The following WWTR1 variants were observed in gnomAD, a reference collection of about 807,000 sequenced individuals.
The protein encoded by WWTR1 is WW domain containing transcription regulator 1, also known as WW domain-containing transcription regulator protein 1.
Under a neutral mutation model 40.1 loss-of-function variants are expected in WWTR1, and 13 were observed. The observed-to-expected ratio is 0.32, with a 90% CI of 0.21 to 0.52. The LOEUF is 0.52. Ranked by LOEUF, WWTR1 falls within the 20% of genes least tolerant of loss-of-function variation. The pLI, the probability that WWTR1 is intolerant of heterozygous loss-of-function variation, is 0.97. For synonymous variants in WWTR1, 230 were observed against 210.1 expected (o/e 1.09, Z -0.82); for missense variants, 436 against 523.1 (o/e 0.83, Z 1.63).
chr3:149,680,997 C>A (rs1303952324), intron 1 of WWTR1, among the ~76,000 whole-genome samples: 3 of 152,156 alleles, frequency 2.0e-5, no homozygotes. Context: ...AACAATGCTG[C>A]AAAGAACATA....
At position 149,715,323 on chromosome 3, in the gene WWTR1, C is replaced by T. The variant is rs74636106; in HGVS notation, n.584+2119G>A. On this transcript the variant is annotated intron_variant and non_coding_transcript_variant, in intron 5 of 6. Transcript: ENST00000474080. Reference sequence around the variant, plus strand: ...GGGGGCCTGCAGTTGCAGGCATCTCCAAGCTTCTGGGTGTCAAGCTTCTGG... The same window carrying T: ...GGGGGCCTGCAGTTGCAGGCATCTCTAAGCTTCTGGGTGTCAAGCTTCTGG... 3.5e-4 allele frequency among the ~76,000 whole-genome samples: 53 copies of T among 152,318 alleles called. No individual in the cohort carries two copies. In the East Asian group the frequency reaches 0.01, roughly 29 times the overall value.
intron 2 of WWTR1, among the ~76,000 whole-genome samples, chr3:149,620,108 T>G (rs549679803): frequency 6.6e-6 from 1 of 152,322 alleles, no homozygotes; most frequent in East Asian, 1.9e-4. Context: ...CTTTGTTGGG[T>G]AGGTGTTTTC....
At chr3:149,547,990 G>C (rs1736443450) in intron 3 of WWTR1, among the ~76,000 whole-genome samples, 1 of 144,418 alleles carries the variant, frequency 6.9e-6, no homozygotes, top group South Asian at 2.1e-4. Context: ...CAAGGCATCT[G>C]AGATACAAAC....
intron 5 of WWTR1, among the ~76,000 whole-genome samples, chr3:149,709,983 T>C (rs1715437386): frequency 6.6e-6 from 1 of 152,182 alleles, no homozygotes. Context: ...AGGAACGGAA[T>C]GAGGCTGGCT....
chr3:149,699,598 T>C (rs1466934404), intron 1 of WWTR1, among the ~76,000 whole-genome samples: 1 of 152,068 alleles, frequency 6.6e-6, no homozygotes, highest in Non-Finnish European at 1.5e-5. Context: ...CAGCCAGTCA[T>C]CACTCTTAAG....
chr3:149,567,743 A>G (rs941872521), intron 3 of WWTR1, among the ~76,000 whole-genome samples: 8 of 152,262 alleles, frequency 5.3e-5, no homozygotes, highest in African/African-American at 1.9e-4. Context: ...AAACAACGTT[A>G]TCAGATAGGT....
At chr3:149,577,621 C>T (rs1012273344) in intron 2 of WWTR1, among the ~76,000 whole-genome samples, 3 of 152,148 alleles carry the variant, frequency 2.0e-5, no homozygotes, top group African/African-American at 7.2e-5. Context: ...CAAGAAAGGT[C>T]ACCACGTCTC....
intron 4 of WWTR1, among the ~76,000 whole-genome samples, chr3:149,721,838 A>G (rs1304699911): frequency 6.6e-6 from 1 of 152,196 alleles, no homozygotes; most frequent in Non-Finnish European, 1.5e-5. Flanking sequence ...AGGTGAGACT[A>G]CAGTTGCATG....
At chr3:149,646,539 T>C (rs551555926) in intron 2 of WWTR1, among the ~76,000 whole-genome samples, 1 of 152,324 alleles carries the variant, frequency 6.6e-6, no homozygotes, top group East Asian at 1.9e-4. Context: ...GGACCATACT[T>C]TGAGTAGCAC....
chr3:149,678,837 TTTTTG>T lies in WWTR1; in HGVS notation c.-107-8951_-107-8947del, dbSNP rs1338895070. ...GTTCACAAGTATTTTTTTTTTTTTT[TTTTTG>T]ATGGAGTTTCGCTCTTGTTGCCCAA... On this transcript the variant is annotated intron_variant, in intron 1 of 7. Coordinates refer to the WWTR1 transcript ENST00000465804. 6.1e-3 allele frequency among the ~76,000 whole-genome samples: 908 copies of T among 149,728 alleles called. 4 individuals are homozygous for T. Among genetic ancestry groups the T allele is most frequent in the African/African-American group, 0.022 (881 of 39,992 alleles).
intron 2 of WWTR1, among the ~76,000 whole-genome samples, chr3:149,644,046 C>T (rs760541999): frequency 9.2e-5 from 14 of 152,166 alleles, no homozygotes; most frequent in Non-Finnish European, 1.8e-4. Context: ...ATTTTCCTCC[C>T]TTGGGCATCT....
At chr3:149,702,344 G>C (rs1715205347) in intron 1 of WWTR1, 1 of 152,098 alleles carries the variant, frequency 6.6e-6, no homozygotes, top group South Asian at 2.1e-4. Flanking sequence ...CAGAATGGCA[G>C]GCTGGCTCAA....
chr3:149,642,415 TCACA>T (rs146950880), intron 2 of WWTR1, among the ~76,000 whole-genome samples: 3 of 146,090 alleles, frequency 2.1e-5, no homozygotes, highest in African/African-American at 5.0e-5. Flanking sequence ...CAAAACTCTG[TCACA>T]CACACACACA....
At chr3:149,610,371 A>T (rs1047472671) in intron 2 of WWTR1, among the ~76,000 whole-genome samples, 1 of 152,196 alleles carries the variant, frequency 6.6e-6, no homozygotes, top group African/African-American at 2.4e-5. Context: ...AAACTAAGAA[A>T]ATCGCATTCC....
chr3:149,707,823 G>A (rs528282822), upstream of WWTR1, among the ~76,000 whole-genome samples: 9 of 151,000 alleles, frequency 6.0e-5, no homozygotes, highest in Admixed American at 2.6e-4. Flanking sequence ...AGTCTCTACC[G>A]CCTGCTCAGG....
chr3:149,543,707 T>A (rs1736246129), intron 3 of WWTR1, among the ~76,000 whole-genome samples: 1 of 151,014 alleles, frequency 6.6e-6, no homozygotes, highest in Non-Finnish European at 1.5e-5. Context: ...CTCAAAATTG[T>A]TTACCAGTCA....
chr3:149,638,771 T>C lies in WWTR1; in HGVS notation c.431+18105A>G, dbSNP rs187601247. Among the ~76,000 whole-genome samples the C allele has an allele frequency of 4.7e-4, 71 of 152,348 alleles. 1 individual carries two copies. The East Asian group carries it at 0.011, about 23-fold the overall frequency. On this transcript the variant is annotated intron_variant, in intron 2 of 6. Transcript: ENST00000360632. Reference sequence around the variant, plus strand: ...CCCCAGAGTATTAAACATGCTCTTTTACAAAGAAGCTCTTGTCCTGTAATA... The same window carrying C: ...CCCCAGAGTATTAAACATGCTCTTTCACAAAGAAGCTCTTGTCCTGTAATA...
chr3:149,588,380 CT>C (rs1234694096), intron 2 of WWTR1, among the ~76,000 whole-genome samples: 1 of 152,176 alleles, frequency 6.6e-6, no homozygotes, highest in East Asian at 1.9e-4. Flanking sequence ...AATAAATGAT[CT>C]CATTTCGCAT....
At chr3:149,682,076 GTA>G (rs746632640) in intron 1 of WWTR1, among the ~76,000 whole-genome samples, 1 of 151,840 alleles carries the variant, frequency 6.6e-6, no homozygotes, top group East Asian at 1.9e-4. Flanking sequence ...AAATTTAAAT[GTA>G]AAAAAAGATC....
Sources: allele counts gnomAD v4.1 joint callset (sites outside exome capture counted in the v4.1 genomes callset), GRCh38; gene constraint gnomAD v4.1.1; transcripts MANE v1.5; gene names NCBI Gene and HGNC (gene_info 2026-07-23, HGNC 2026-07-21).